The following GRM5 variants were observed in gnomAD, a reference collection of about 807,000 sequenced individuals.
The protein encoded by GRM5 is glutamate metabotropic receptor 5.
Under a neutral mutation model 83.1 loss-of-function variants are expected in GRM5, and 19 were observed. The ratio of observed to expected loss-of-function variants is 0.23; its 90% confidence interval spans 0.16 to 0.34. The LOEUF is 0.34. Ranked by LOEUF, GRM5 falls within the 10% of genes least tolerant of loss-of-function variation. The pLI is 1.00. For synonymous variants in GRM5, 675 were observed against 633.6 expected (o/e 1.07, Z -0.98); for missense variants, 1,160 against 1,588.3 (o/e 0.73, Z 4.58).
intron 2 of GRM5, among the ~76,000 whole-genome samples, chr11:88,858,467 G>A (rs1189096325): frequency 2.0e-5 from 3 of 151,970 alleles, no homozygotes; most frequent in Non-Finnish European, 4.4e-5. Context: ...TTTTCTTCTG[G>A]CTATCAAGTA....
chr11:88,740,203 AT>A (rs2135415642), intron 3 of GRM5, among the ~76,000 whole-genome samples: 1 of 152,136 alleles, frequency 6.6e-6, no homozygotes, highest in African/African-American at 2.4e-5. Context: ...GCAGTTATTG[AT>A]TACTGAAACT....
chr11:89,027,951 T>TA (rs1565341821), intron 2 of GRM5, among the ~76,000 whole-genome samples: 2 of 152,106 alleles, frequency 1.3e-5, no homozygotes, highest in East Asian at 1.9e-4. Context: ...AATGCCATTT[T>TA]AAAAAAATGA....
At chr11:88,937,329 G>A (rs1478347508) in intron 2 of GRM5, among the ~76,000 whole-genome samples, 1 of 151,608 alleles carries the variant, frequency 6.6e-6, no homozygotes, top group East Asian at 1.9e-4. Context: ...AAAACTTATA[G>A]TTTGAGAAGT....
intron 3 of GRM5, among the ~76,000 whole-genome samples, chr11:88,721,674 G>A (rs2135396016): frequency 6.6e-6 from 1 of 152,180 alleles, no homozygotes; most frequent in African/African-American, 2.4e-5. Flanking sequence ...TCTCCATCTT[G>A]TCACTGATGG....
intron 7 of GRM5, among the ~76,000 whole-genome samples, chr11:88,587,023 A>G (rs906487388): frequency 7.2e-5 from 11 of 152,318 alleles, no homozygotes; most frequent in Middle Eastern, 3.4e-3. Flanking sequence ...ATTTACCGAA[A>G]GCTTACTCTA....
intron 3 of GRM5, among the ~76,000 whole-genome samples, chr11:88,846,660 T>G (rs11021587): frequency 0.025 from 3,832 of 152,116 alleles, 146 homozygotes; most frequent in African/African-American, 0.088. Flanking sequence ...GACCTTCTAG[T>G]AGGCTCTAAA....
intron 2 of GRM5, among the ~76,000 whole-genome samples, chr11:88,958,650 C>A (rs1414667283): frequency 2.0e-5 from 3 of 152,052 alleles, no homozygotes; most frequent in Admixed American, 6.6e-5. Context: ...TTATAGTTTA[C>A]AATAGCAATT....
intron 2 of GRM5, among the ~76,000 whole-genome samples, chr11:88,868,385 A>G (rs1265358554): frequency 6.6e-6 from 1 of 151,894 alleles, no homozygotes; most frequent in South Asian, 2.1e-4. Flanking sequence ...TTTCTCATCT[A>G]TAACATTTTC....
At chr11:88,541,029 C>T (rs748809232) in intron 8 of GRM5, among the ~76,000 whole-genome samples, 4 of 152,052 alleles carry the variant, frequency 2.6e-5, no homozygotes, top group African/African-American at 7.2e-5. Flanking sequence ...GAATTACAGG[C>T]GTGAGTCACC....
At chr11:88,858,890 A>G (rs1590917747) in intron 2 of GRM5, among the ~76,000 whole-genome samples, 1 of 152,046 alleles carries the variant, frequency 6.6e-6, no homozygotes, top group African/African-American at 2.4e-5. Context: ...AGTCCTCAGT[A>G]TATGGATAGC....
chr11:88,505,838 G>GA lies in GRM5; in HGVS notation c.*2753dup, dbSNP rs999899533. On this transcript the variant is annotated 3_prime_UTR_variant, in exon 10 of 10. Coordinates refer to ENST00000305447, the MANE Select transcript of GRM5 (RefSeq NM_001143831.3). ...GCACCAGGAACAGATTGTTTTGAAG[G>GA]AAATTCAATGAGAATGTACCCAAAT... is the stretch of plus-strand genomic sequence containing the variant. 1 of 152,146 alleles carries GA rather than the reference G, an allele frequency of 6.6e-6. No individual in the cohort carries two copies. Among genetic ancestry groups the GA allele is most frequent in the African/African-American group, 2.4e-5 (1 of 41,414 alleles). The allele number at this position is 152,146 out of a possible 1,614,324, so 9.4% of individuals were successfully genotyped here. A position where few individuals can be genotyped will look rare whatever the true frequency, so the allele number is the denominator to read the frequency against.
chr11:88,810,447 C>T (rs865948948), intron 3 of GRM5, among the ~76,000 whole-genome samples: 4 of 151,986 alleles, frequency 2.6e-5, no homozygotes, highest in Non-Finnish European at 5.9e-5. Context: ...CATGAAGAAA[C>T]AGCTGAGAAA....
chr11:88,526,351 C>T (rs1164818658), intron 8 of GRM5, among the ~76,000 whole-genome samples: 1 of 152,112 alleles, frequency 6.6e-6, no homozygotes, highest in Non-Finnish European at 1.5e-5. Context: ...TGGTTCGATT[C>T]TGTAAGGTTT....
chr11:88,939,062 C>A (rs1345339964), intron 2 of GRM5, among the ~76,000 whole-genome samples: 1 of 151,538 alleles, frequency 6.6e-6, no homozygotes, highest in Non-Finnish European at 1.5e-5. Context: ...AATAATTTTC[C>A]TTTTTCTTTG....
chr11:88,911,581 A>C (rs1205453739), intron 2 of GRM5, among the ~76,000 whole-genome samples: 1 of 152,150 alleles, frequency 6.6e-6, no homozygotes, highest in African/African-American at 2.4e-5. Flanking sequence ...TGTATAGAAA[A>C]CAGCATTAGG....
intron 3 of GRM5, among the ~76,000 whole-genome samples, chr11:88,797,641 C>T (rs376694617): frequency 3.0e-4 from 45 of 152,196 alleles, no homozygotes; most frequent in African/African-American, 9.6e-4. Context: ...TTTTACAATG[C>T]TAATAATCTC....
chr11:88,726,566 G>A (rs963437563), intron 3 of GRM5, among the ~76,000 whole-genome samples: 1 of 152,114 alleles, frequency 6.6e-6, no homozygotes, highest in African/African-American at 2.4e-5. Context: ...CTCAGGAAGA[G>A]CAATCCCAAG....
intron 2 of GRM5, among the ~76,000 whole-genome samples, chr11:88,916,095 G>T (rs1336140616): frequency 6.6e-6 from 1 of 152,078 alleles, no homozygotes; most frequent in South Asian, 2.1e-4. Flanking sequence ...CATTTGGTAG[G>T]AGGAGAAACA....
intron 4 of GRM5, among the ~76,000 whole-genome samples, chr11:88,637,144 GTA>G (rs1485983626): frequency 4.6e-5 from 7 of 152,072 alleles, no homozygotes; most frequent in Admixed American, 2.6e-4. Context: ...ACCTTGGGCA[GTA>G]TGGCCATTTT....
Sources: gnomAD v4.1 joint callset for allele counts (sites outside exome capture counted in the v4.1 genomes callset) on GRCh38, gnomAD v4.1.1 for gene constraint, MANE v1.5 for transcripts, NCBI Gene and HGNC (gene_info 2026-07-23, HGNC 2026-07-21) for gene names.